Variants in ANKRD11 observed in about 807,000 individuals in gnomAD.
ANKRD11 encodes ankyrin repeat domain 11.
Under a neutral mutation model 195.7 loss-of-function variants are expected in ANKRD11, and 17 were observed. That is an observed-to-expected ratio of 0.09 (90% confidence interval 0.06 to 0.13). The LOEUF is 0.13. Ranked by LOEUF, ANKRD11 falls within the 10% of genes least tolerant of loss-of-function variation. The pLI is 1.00. For synonymous variants in ANKRD11, 1,953 were observed against 1,528.1 expected (o/e 1.28, Z -6.49); for missense variants, 3,735 against 3,566.1 (o/e 1.05, Z -1.21).
chr16:89,408,637 G>A (rs2042001579), intron 2 of ANKRD11, among the ~76,000 whole-genome samples: 1 of 152,128 alleles, frequency 6.6e-6, no homozygotes, highest in Non-Finnish European at 1.5e-5. Flanking sequence ...CGTGCCCACA[G>A]CTACAGCAGC....
chr16:89,447,979 A>G (rs2043882081), intron 1 of ANKRD11, among the ~76,000 whole-genome samples: 1 of 151,500 alleles, frequency 6.6e-6, no homozygotes, highest in African/African-American at 2.4e-5. Context: ...TCATTTTTGT[A>G]TTTTTAGTAG....
At chr16:89,438,724 A>G (rs1342374340) in intron 1 of ANKRD11, among the ~76,000 whole-genome samples, 1 of 152,166 alleles carries the variant, frequency 6.6e-6, no homozygotes, top group Non-Finnish European at 1.5e-5. Flanking sequence ...CTTCGAAGCT[A>G]AAGTATTCAA....
chr16:89,437,705 T>C (rs971718724), intron 1 of ANKRD11, among the ~76,000 whole-genome samples: 1 of 152,188 alleles, frequency 6.6e-6, no homozygotes, highest in African/African-American at 2.4e-5. Flanking sequence ...GTAGGGAGGC[T>C]GTGGTGCCCT....
intron 4 of ANKRD11, chr16:89,299,432 ATGCATGGG>A (rs1567605733): frequency 1.9e-5 from 1 of 52,636 alleles, no homozygotes; most frequent in East Asian, 1.1e-3. Flanking sequence ...CCTGTGTGGG[ATGCATGGG>A]GTCTGTGCCC....
chr16:89,472,043 G>A (rs976344602), intron 1 of ANKRD11, among the ~76,000 whole-genome samples: 4 of 152,070 alleles, frequency 2.6e-5, no homozygotes, highest in African/African-American at 9.7e-5. Context: ...TGACCCTCAG[G>A]TGACTACTTT....
intron 2 of ANKRD11, among the ~76,000 whole-genome samples, chr16:89,386,699 G>A (rs909890244): frequency 7.2e-5 from 11 of 152,168 alleles, no homozygotes; most frequent in African/African-American, 2.4e-4. Context: ...AAGCAGACAC[G>A]CTTATAAGCT....
chr16:89,451,735 T>C (rs936272173), intron 1 of ANKRD11, among the ~76,000 whole-genome samples: 5 of 152,140 alleles, frequency 3.3e-5, no homozygotes, highest in African/African-American at 1.2e-4. Context: ...AAATTACTTT[T>C]AGTAAGCAAA....
At chr16:89,299,008 G>C (rs866420885) in intron 4 of ANKRD11, 1 of 152,328 alleles carries the variant, frequency 6.6e-6, no homozygotes, top group Non-Finnish European at 1.5e-5. Flanking sequence ...CACGGCCTTC[G>C]CTGCAGCCCC....
intron 2 of ANKRD11, among the ~76,000 whole-genome samples, chr16:89,380,181 C>T (rs1395172839): frequency 6.6e-6 from 1 of 152,110 alleles, no homozygotes; most frequent in African/African-American, 2.4e-5. Flanking sequence ...GGCGTGATCT[C>T]GGCTCACTTC....
intron 1 of ANKRD11, among the ~76,000 whole-genome samples, chr16:89,439,781 C>T (rs994330313): frequency 6.6e-6 from 1 of 152,200 alleles, no homozygotes; most frequent in Non-Finnish European, 1.5e-5. Context: ...AACACAACTC[C>T]GTCCCCCTCA....
At position 89,283,302 on chromosome 16, in the gene ANKRD11, G is replaced by C. The variant is rs749218033; in HGVS notation, c.3240C>G (p.Leu1080=). The change falls in exon 9 of 13, where the codon CTC becomes CTG. Residue 1080 remains leucine (L), a synonymous_variant. Transcript: ENST00000301030. This position sits in a 1 kb window ranked among gnomAD's most constrained non-coding sequence, Gnocchi z 4.3. ...HGKDKERKAS[L]DQGKEKKEKA... ...TCTCCTTCTTCTCTTTCCCTTGGTCGAGAGACGCTTTCCTTTCTTTGTCTT... is the reference window on the plus strand; with the variant it reads ...TCTCCTTCTTCTCTTTCCCTTGGTCCAGAGACGCTTTCCTTTCTTTGTCTT... 8.1e-6 allele frequency: 13 copies of C among 1,614,006 alleles called. No individual in the cohort carries two copies. Among genetic ancestry groups the C allele is most frequent in the Non-Finnish European group, 1.1e-5 (13 of 1,180,034 alleles).
chr16:89,476,869 C>G (rs2057276591), intron 1 of ANKRD11, among the ~76,000 whole-genome samples: 1 of 152,184 alleles, frequency 6.6e-6, no homozygotes, highest in African/African-American at 2.4e-5. Context: ...TTCAGAGTCC[C>G]TCTGGGCAGA....
chr16:89,368,749 T>C (rs2040062793), intron 2 of ANKRD11, among the ~76,000 whole-genome samples: 1 of 151,520 alleles, frequency 6.6e-6, no homozygotes, highest in South Asian at 2.1e-4. Context: ...TCTAAAAAAA[T>C]ACAAAAATTA....
chr16:89,286,593 C>T (rs954086930), intron 7 of ANKRD11: 1 of 1,111,856 alleles, frequency 9.0e-7, no homozygotes, highest in African/African-American at 1.6e-5. Flanking sequence ...AGGGCTCAGG[C>T]AAGAGGTTAG....
intron 2 of ANKRD11, among the ~76,000 whole-genome samples, chr16:89,332,320 G>A (rs1453348061): frequency 1.3e-5 from 2 of 152,170 alleles, no homozygotes; most frequent in Admixed American, 6.5e-5. Flanking sequence ...CTTCAGCTCC[G>A]TGAAGTCCTG....
intron 3 of ANKRD11, among the ~76,000 whole-genome samples, 190 bp from the exon 4 acceptor site, chr16:89,305,534 G>A (rs1168281828): frequency 6.6e-6 from 1 of 152,080 alleles, no homozygotes; most frequent in Non-Finnish European, 1.5e-5. Context: ...CCGGGGTCGG[G>A]CTGTGGCTCA....
intron 3 of ANKRD11, among the ~76,000 whole-genome samples, chr16:89,316,632 G>A (rs1567633176): frequency 6.6e-6 from 1 of 152,258 alleles, no homozygotes; most frequent in Non-Finnish European, 1.5e-5. Flanking sequence ...ACAGGAGCCA[G>A]GACAGAAATC....
At chr16:89,361,852 A>T (rs529569279) in intron 2 of ANKRD11, among the ~76,000 whole-genome samples, 1 of 152,346 alleles carries the variant, frequency 6.6e-6, no homozygotes, top group East Asian at 1.9e-4. Context: ...AACAAAAAAA[A>T]TCCGCACTCT....
At position 89,280,096 on chromosome 16, in the gene ANKRD11, G is replaced by A. The variant is rs2034057374; in HGVS notation, c.6446C>T (p.Ala2149Val). The A allele has an allele frequency of 1.2e-6, 2 of 1,613,050 alleles. No homozygotes were observed. The highest frequency in any genetic ancestry group is 1.1e-5 in the South Asian group (1 of 91,072). Residue 2149 changes from alanine to valine, a missense_variant, in exon 9 of 13, where the codon GCA becomes GTA. Transcript: ENST00000301030. ...PELPLQTKDA[A>V]DGEAEPVEES... ...TTCCACGGGTTCCGCTTCACCATCTGCGGCATCTTTAGTCTGCAGGGGAAG... is the reference window on the plus strand; with the variant it reads ...TTCCACGGGTTCCGCTTCACCATCTACGGCATCTTTAGTCTGCAGGGGAAG...
Sources: allele counts gnomAD v4.1 joint callset (sites outside exome capture counted in the v4.1 genomes callset), GRCh38; gene constraint gnomAD v4.1.1; non-coding constraint Gnocchi (gnomAD v3.1); transcripts MANE v1.5; gene names NCBI Gene and HGNC (gene_info 2026-07-23, HGNC 2026-07-21).